ANKH: variants seen among roughly 807,000 people sequenced by gnomAD.
ANKH encodes the protein mineralization regulator ANKH.
Under a neutral mutation model 49.0 loss-of-function variants are expected in ANKH, and 15 were observed. The ratio of observed to expected loss-of-function variants is 0.31; its 90% CI spans 0.20 to 0.47. The LOEUF (loss-of-function observed/expected upper bound fraction) is 0.47, where lower values mean the gene tolerates loss of function less well. Ranked by LOEUF, ANKH falls within the 20% of genes least tolerant of loss-of-function variation. The pLI is 1.00. For synonymous variants in ANKH, 273 were observed against 260.0 expected (o/e 1.05, Z -0.48); for missense variants, 429 against 652.0 (o/e 0.66, Z 3.72).
intron 1 of ANKH, among the ~76,000 whole-genome samples, chr5:14,789,471 A>T (rs1006725461): frequency 1.3e-5 from 2 of 150,010 alleles, no homozygotes; most frequent in Non-Finnish European, 3.0e-5. Context: ...AAAAAAAAAA[A>T]GCTAAGCTCC....
At chr5:14,868,843 T>TC (rs1353422475) in intron 1 of ANKH, 1 of 152,014 alleles carries the variant, frequency 6.6e-6, no homozygotes, top group Non-Finnish European at 1.5e-5. Flanking sequence ...AGGATTGATC[T>TC]CCCCAAGTGC....
chr5:14,712,867 G>A lies in ANKH; in HGVS notation c.1365+7C>T, dbSNP rs1214759686. ...CCGGGAGGAGGCTCCCGGCGCGGCTGTCTCACCTGCTTCCGGTAGACATAG... is the reference window on the plus strand; with the variant it reads ...CCGGGAGGAGGCTCCCGGCGCGGCTATCTCACCTGCTTCCGGTAGACATAG... On this transcript the variant is annotated splice_region_variant and intron_variant, in intron 11 of 11. Transcript: ENST00000284268. The A allele has an allele frequency of 6.2e-7, 1 of 1,603,486 alleles. No homozygotes were observed. Among genetic ancestry groups the A allele is most frequent in the Non-Finnish European group, 8.5e-7 (1 of 1,175,650 alleles).
chr5:14,848,257 GGTAGTGAAGAGA>G (rs1205571389), intron 1 of ANKH, among the ~76,000 whole-genome samples: 8 of 152,286 alleles, frequency 5.3e-5, no homozygotes, highest in African/African-American at 1.9e-4. Context: ...CAACCAATCA[GGTAGTGAAGAGA>G]GTAGTGAAGA....
intron 1 of ANKH, among the ~76,000 whole-genome samples, chr5:14,844,004 C>T (rs1741889242): frequency 6.6e-6 from 1 of 152,120 alleles, no homozygotes; most frequent in South Asian, 2.1e-4. Flanking sequence ...AAGGGAAAAA[C>T]CGTGTTCCTG....
intron 1 of ANKH, among the ~76,000 whole-genome samples, chr5:14,841,191 C>T (rs1443114052): frequency 6.6e-6 from 1 of 151,872 alleles, no homozygotes; most frequent in African/African-American, 2.4e-5. Flanking sequence ...AAACTTAGGC[C>T]TCTTAAGAGC....
intron 1 of ANKH, chr5:14,797,884 G>C (rs2126556040): frequency 1.2e-6 from 2 of 1,612,184 alleles, no homozygotes; most frequent in Non-Finnish European, 1.7e-6. Flanking sequence ...TGTCCACGGA[G>C]ACGCAAGTCT....
intron 1 of ANKH, among the ~76,000 whole-genome samples, chr5:14,778,042 TC>T: frequency 6.6e-6 from 1 of 152,276 alleles, no homozygotes; most frequent in East Asian, 1.9e-4. Context: ...TTGTGTTACC[TC>T]CACCTGAGAT....
chr5:14,749,204 G>A lies in ANKH; in HGVS notation c.790C>T (p.Arg264Trp), dbSNP rs1309028634. ...GCTGCAGAACTGCCACCAAGGTCCC[G>A]GGAAACAAAGAGGTTGACAATAGGC... is the stretch of plus-strand genomic sequence containing the variant. ...SRPIVNLFVSRDLGGSSAATE... is the reference protein window; with the variant it reads ...SRPIVNLFVSWDLGGSSAATE... Residue 264 changes from arginine (R) to tryptophan (W), a missense_variant, in exon 6 of 12, where the codon CGG becomes TGG. This residue lies in a region of ANKH where 378 missense variants were observed against 615.3 expected (regional missense o/e 0.61). Coordinates refer to ENST00000284268, the MANE Select transcript of ANKH (RefSeq NM_054027.6). The A allele has an allele frequency of 3.7e-6, 6 of 1,614,046 alleles. No individual in the cohort carries two copies. Among genetic ancestry groups the A allele is most frequent in the African/African-American group, 1.3e-5 (1 of 75,026 alleles).
intron 1 of ANKH, among the ~76,000 whole-genome samples, chr5:14,815,763 C>A (rs1337096936): frequency 2.6e-5 from 4 of 152,208 alleles, no homozygotes; most frequent in Admixed American, 2.0e-4. Flanking sequence ...ACAGACACGA[C>A]CACAAGTGTC....
At chr5:14,802,560 C>T (rs1580080176) in intron 1 of ANKH, among the ~76,000 whole-genome samples, 2 of 152,210 alleles carry the variant, frequency 1.3e-5, no homozygotes, top group East Asian at 3.9e-4. Context: ...TTCCCATCAC[C>T]CCTTGGCCAA....
Position 14,716,746 on chromosome 5 carries a change from A to G in ANKH, c.1101T>C (p.Cys367=). The G allele has an allele frequency of 6.2e-7, 1 of 1,614,206 alleles. No homozygotes were observed. Among genetic ancestry groups the G allele is most frequent in the Non-Finnish European group, 8.5e-7 (1 of 1,179,988 alleles). ...AGGAGAAGATCCGCAAAGGAACAAC[A>G]CAGAGTTCTGCAAAGGCAAAGTCCA... ...IGVDFAFAEL[C]VVPLRIFSFF... The change falls in exon 9 of 12, where the codon TGT becomes TGC. Residue 367 remains cysteine, a synonymous_variant. Coordinates refer to ENST00000284268, the MANE Select transcript of ANKH (RefSeq NM_054027.6).
At position 14,708,689 on chromosome 5, in the gene ANKH, C is replaced by T. The variant is rs2126382153; in HGVS notation, c.*2508G>A. 1 of 152,320 alleles carries T rather than the reference C, an allele frequency of 6.6e-6. No individual in the cohort carries two copies. The highest frequency in any genetic ancestry group is 2.1e-4 in the South Asian group (1 of 4,830). The allele number at this position is 152,320 out of a possible 1,614,324, so 9.4% of individuals were successfully genotyped here. ...AAAATGTACGAAGAAGGATCACGTG[C>T]TTTAAGGTGAAAGGTTTGAACAAGT... On this transcript the variant is annotated 3_prime_UTR_variant, in exon 12 of 12. Transcript: ENST00000284268.
At chr5:14,840,473 A>G (rs538521062) in intron 1 of ANKH, among the ~76,000 whole-genome samples, 14 of 152,344 alleles carry the variant, frequency 9.2e-5, no homozygotes, top group African/African-American at 3.4e-4. Context: ...TTCTGGATTC[A>G]GAGCTCTACC....
At chr5:14,810,559 T>C (rs1740848071) in intron 1 of ANKH, among the ~76,000 whole-genome samples, 1 of 152,192 alleles carries the variant, frequency 6.6e-6, no homozygotes, top group Non-Finnish European at 1.5e-5. Flanking sequence ...TAACTTTCAT[T>C]GATTTGGAGT....
intron 3 of ANKH, among the ~76,000 whole-genome samples, chr5:14,757,431 T>TATATATC (rs1491137786): frequency 1.9e-5 from 2 of 106,730 alleles, no homozygotes; most frequent in East Asian, 2.6e-4. Flanking sequence ...TATATATATA[T>TATATATC]TTTTTTTTTT....
At chr5:14,806,981 G>GT (rs901683204) in intron 1 of ANKH, among the ~76,000 whole-genome samples, 1 of 152,102 alleles carries the variant, frequency 6.6e-6, no homozygotes, top group African/African-American at 2.4e-5. Context: ...CATTTTTAAA[G>GT]TTTTAATCTC....
intron 2 of ANKH, among the ~76,000 whole-genome samples, chr5:14,767,775 T>C (rs1176410623): frequency 2.6e-5 from 4 of 152,096 alleles, no homozygotes; most frequent in Admixed American, 6.5e-5. Context: ...TTACAAAATA[T>C]ATGGCTTTTT....
chr5:14,730,160 C>T (rs374614972), intron 8 of ANKH, among the ~76,000 whole-genome samples: 5 of 152,198 alleles, frequency 3.3e-5, no homozygotes, highest in African/African-American at 7.2e-5. Context: ...CTGACCAGGC[C>T]GCTAAGCCCC....
At chr5:14,855,534 T>C (rs2126626013) in intron 1 of ANKH, among the ~76,000 whole-genome samples, 1 of 152,276 alleles carries the variant, frequency 6.6e-6, no homozygotes, top group East Asian at 1.9e-4. Flanking sequence ...ACAACTTTTA[T>C]CTCATTGAGT....
Sources: gnomAD v4.1 joint callset for allele counts (sites outside exome capture counted in the v4.1 genomes callset) on GRCh38, gnomAD v4.1.1 for gene constraint, gnomAD v4.1.1 regional missense constraint, MANE v1.5 for transcripts, NCBI Gene and HGNC (gene_info 2026-07-23, HGNC 2026-07-21) for gene names.